The following REDIC1 variants were observed in gnomAD, a reference collection of about 807,000 sequenced individuals.
REDIC1 encodes regulator of DNA class I crossover intermediates 1, also known as HEI10 Interacting Protein 1.
chr12:39,765,753 A>T, the REDIC1 span, among the ~76,000 whole-genome samples: 1 of 152,082 alleles, frequency 6.6e-6, no homozygotes, highest in African/African-American at 2.4e-5. Flanking sequence ...GTTCCAGGAC[A>T]CATGCACAGG....
chr12:39,705,619 A>G, the REDIC1 span, among the ~76,000 whole-genome samples: 1 of 152,242 alleles, frequency 6.6e-6, no homozygotes, highest in Non-Finnish European at 1.5e-5. Context: ...CATTATGACC[A>G]AGTGGGATTT....
chr12:39,631,237 G>A, the REDIC1 span, among the ~76,000 whole-genome samples: 1 of 152,068 alleles, frequency 6.6e-6, no homozygotes. Flanking sequence ...ATGGCATTTT[G>A]TTCAAAAACA....
chr12:39,848,572 G>A, the REDIC1 span, among the ~76,000 whole-genome samples: 2 of 152,196 alleles, frequency 1.3e-5, no homozygotes. Context: ...TATACTGTTG[G>A]TAGGAGTGTA....
chr12:39,705,149 G>C, the REDIC1 span, among the ~76,000 whole-genome samples: 1 of 151,748 alleles, frequency 6.6e-6, no homozygotes, highest in Admixed American at 6.6e-5. Context: ...GCTTATAACA[G>C]GAATTCAAAG....
the REDIC1 span, among the ~76,000 whole-genome samples, chr12:39,783,061 C>T: frequency 1.3e-5 from 2 of 152,162 alleles, no homozygotes; most frequent in African/African-American, 4.8e-5. Flanking sequence ...TGATGTTCCC[C>T]ATCCTGTGTC....
At chr12:39,745,292 A>G in the REDIC1 span, among the ~76,000 whole-genome samples, 1 of 152,228 alleles carries the variant, frequency 6.6e-6, no homozygotes, top group Non-Finnish European at 1.5e-5. Context: ...CACAATTTTC[A>G]GGTCAAGACA....
chr12:39,764,726 T>A, the REDIC1 span: 3 of 1,611,094 alleles, frequency 1.9e-6, no homozygotes, highest in Non-Finnish European at 2.5e-6. Flanking sequence ...TATAACAAAG[T>A]CTTTGTTTAC....
At chr12:39,869,903 A>G in the REDIC1 span, among the ~76,000 whole-genome samples, 7 of 152,218 alleles carry the variant, frequency 4.6e-5, no homozygotes, top group African/African-American at 1.7e-4. Flanking sequence ...TTGAAATCCT[A>G]TACATCTGTA....
the REDIC1 span, among the ~76,000 whole-genome samples, chr12:39,808,021 G>A: frequency 2.6e-5 from 4 of 151,968 alleles, no homozygotes; most frequent in East Asian, 1.9e-4. Flanking sequence ...CCAATTTTAC[G>A]TGTAAGTCAA....
At chr12:39,902,936 C>T in the REDIC1 span, among the ~76,000 whole-genome samples, 2 of 152,070 alleles carry the variant, frequency 1.3e-5, no homozygotes, top group African/African-American at 2.4e-5. Context: ...TTGAGTTGCA[C>T]ACAAACTGTT....
chr12:39,757,145 C>CT, the REDIC1 span: 2 of 151,744 alleles, frequency 1.3e-5, no homozygotes, highest in African/African-American at 4.8e-5. Context: ...GATATATCCT[C>CT]TTAAGTCTAG....
At chr12:39,693,581 A>T in the REDIC1 span, among the ~76,000 whole-genome samples, 1 of 152,120 alleles carries the variant, frequency 6.6e-6, no homozygotes, top group Admixed American at 6.5e-5. Context: ...GAATTTATTT[A>T]TTTAATAAAA....
the REDIC1 span, among the ~76,000 whole-genome samples, chr12:39,841,573 T>C: frequency 2.0e-5 from 3 of 152,102 alleles, no homozygotes; most frequent in Non-Finnish European, 2.9e-5. Flanking sequence ...CATATACATA[T>C]GTGTATATAG....
At chr12:39,729,848 T>G in the REDIC1 span, among the ~76,000 whole-genome samples, 1 of 152,184 alleles carries the variant, frequency 6.6e-6, no homozygotes, top group Non-Finnish European at 1.5e-5. Flanking sequence ...TGCTCTTGTA[T>G]TGGGTGCATA....
the REDIC1 span, chr12:39,758,148 C>A: frequency 6.6e-6 from 1 of 151,386 alleles, no homozygotes; most frequent in Non-Finnish European, 1.5e-5. Context: ...TGTTAAAGCA[C>A]CTAATTCAAG....
At chr12:39,720,309 C>G in the REDIC1 span, among the ~76,000 whole-genome samples, 7 of 151,836 alleles carry the variant, frequency 4.6e-5, no homozygotes, top group East Asian at 1.4e-3. Flanking sequence ...TTGGACTGGG[C>G]CCATAAAAAG....
chr12:39,904,957 C>A, the REDIC1 span, among the ~76,000 whole-genome samples: 2 of 152,054 alleles, frequency 1.3e-5, no homozygotes, highest in Admixed American at 1.3e-4. Flanking sequence ...TTGATACAGA[C>A]GTGCAGGCAA....
the REDIC1 span, among the ~76,000 whole-genome samples, chr12:39,643,563 T>C: frequency 6.6e-6 from 1 of 151,806 alleles, no homozygotes; most frequent in East Asian, 1.9e-4. Flanking sequence ...GTTTTAAAGG[T>C]TATGCTTAAG....
chr12:39,807,309 A>G, the REDIC1 span, among the ~76,000 whole-genome samples: 1 of 152,174 alleles, frequency 6.6e-6, no homozygotes, highest in East Asian at 1.9e-4. Flanking sequence ...AAGCCTACAT[A>G]TGATAACACT....
Sources: gnomAD v4.1 joint callset for allele counts (sites outside exome capture counted in the v4.1 genomes callset) on GRCh38, gnomAD v4.1.1 for gene constraint, MANE v1.5 for transcripts, NCBI Gene and HGNC (gene_info 2026-07-23, HGNC 2026-07-21) for gene names.